SLC5A10: variants seen among roughly 807,000 people sequenced by gnomAD.
SLC5A10 encodes the protein sodium/mannose cotransporter SLC5A10.
A neutral mutation model predicts 68.9 loss-of-function variants in SLC5A10; 55 were observed. The observed-to-expected ratio is 0.80, with a 90% CI of 0.64 to 1.00. The LOEUF is 1.00. SLC5A10 is among the 50% of genes least tolerant of loss of function. The probability of loss-of-function intolerance (pLI) is 0.00; values close to 1 mark genes in which losing one functional copy is unlikely to be tolerated. For synonymous variants in SLC5A10, 344 were observed against 344.8 expected, an observed-to-expected ratio of 1.00 and a Z score of 0.02; for missense variants, 732 against 819.3, an observed-to-expected ratio of 0.89 and a Z score of 1.30.
chr17:18,967,620 A>C (rs1408494926), intron 5 of SLC5A10, among the ~76,000 whole-genome samples: 1 of 152,218 alleles, frequency 6.6e-6, no homozygotes, highest in African/African-American at 2.4e-5. Flanking sequence ...AGTCTGGAGC[A>C]GTGACTGTAG....
intron 9 of SLC5A10, among the ~76,000 whole-genome samples, chr17:18,982,620 C>A (rs1415500605): frequency 6.6e-6 from 1 of 152,162 alleles, no homozygotes; most frequent in Non-Finnish European, 1.5e-5. Context: ...CATCTGCTCT[C>A]AGCGGGTGGC....
Position 19,003,371 on chromosome 17 carries a change from A to C in SLC5A10, c.983-10039A>C. 1.2e-6 allele frequency: 1 copy of C among 833,308 alleles called. No individual in the cohort carries two copies. The highest frequency in any genetic ancestry group is 1.7e-6 in the Non-Finnish European group (1 of 600,204). The allele number at this position is 833,308 out of a possible 1,614,324, so 51.6% of individuals were successfully genotyped here. ...CGGATCCCCACGAAGGTGGGGAGGAAACCTCCACCCAAGAGGCAGCCAGGG... is the reference window on the plus strand; with the variant it reads ...CGGATCCCCACGAAGGTGGGGAGGACACCTCCACCCAAGAGGCAGCCAGGG... On this transcript the variant is annotated intron_variant, in intron 9 of 14. Transcript: ENST00000395645. This position sits in a 1 kb window ranked among gnomAD's most constrained non-coding sequence, Gnocchi z 4.5.
chr17:18,964,492 C>T (rs2042672700), intron 5 of SLC5A10, among the ~76,000 whole-genome samples: 1 of 152,188 alleles, frequency 6.6e-6, no homozygotes, highest in African/African-American at 2.4e-5. Flanking sequence ...CTGGGTGAGC[C>T]CCCCACACCC....
intron 1 of SLC5A10, among the ~76,000 whole-genome samples, chr17:18,955,194 T>C (rs2042474003): frequency 6.6e-6 from 1 of 151,756 alleles, no homozygotes; most frequent in South Asian, 2.1e-4. Flanking sequence ...TTATTAAGGA[T>C]ACAGCTACAC....
At chr17:18,984,556 T>C (rs2043220348) in intron 9 of SLC5A10, among the ~76,000 whole-genome samples, 1 of 152,204 alleles carries the variant, frequency 6.6e-6, no homozygotes, top group South Asian at 2.1e-4. Flanking sequence ...CTGATGCTTC[T>C]TTGTTCATCA....
rs117993660 is a variant in SLC5A10 at position 18,986,917 on chromosome 17, C to T, written c.982+9928C>T. On this transcript the variant is annotated intron_variant, in intron 9 of 14. Transcript: ENST00000395645. ...GGCATGAGCTATCTGCCACTGGAAT[C>T]GATTCCCAGCACTAATTACGCGGCG... Among the ~76,000 whole-genome samples the T allele has an allele frequency of 5.7e-3, 872 of 152,332 alleles. 3 individuals are homozygous for T. The highest frequency in any genetic ancestry group is 9.3e-3 in the Non-Finnish European group (635 of 68,036).
At chr17:18,950,803 C>A, upstream of SLC5A10, 1 of 525,236 alleles carries the variant, frequency 1.9e-6, no homozygotes, top group Non-Finnish European at 2.4e-6. Context: ...GCAATCTCTA[C>A]CTCCTGAGTT....
intron 9 of SLC5A10, among the ~76,000 whole-genome samples, chr17:19,006,925 A>G (rs1453716945): frequency 6.6e-6 from 1 of 152,178 alleles, no homozygotes; most frequent in African/African-American, 2.4e-5. Flanking sequence ...TTGCTTAACC[A>G]TTTCAGTGAT....
chr17:19,017,454 G>C lies in SLC5A10; in HGVS notation c.1242-1969G>C. 5 of 1,481,738 alleles carry C rather than the reference G, an allele frequency of 3.4e-6. No individual in the cohort carries two copies. Among genetic ancestry groups the C allele is most frequent in the Non-Finnish European group, 3.7e-6 (4 of 1,083,884 alleles). 91.8% of individuals were successfully genotyped at this position (1,481,738 alleles called of 1,614,324 possible). On this transcript the variant is annotated intron_variant, in intron 11 of 14. Transcript: ENST00000395645. This position sits in a 1 kb window ranked among gnomAD's most constrained non-coding sequence, Gnocchi z 5.6. ...GGAGAGGCGAGGCTTACAGAGAGAA[G>C]ACCAACAGCCCAGAGGCCTGGAGAG...
chr17:18,969,261 G>A (rs1225538815), intron 6 of SLC5A10, 81 bp from the exon 7 acceptor site: 2 of 1,579,918 alleles, frequency 1.3e-6, no homozygotes, highest in Non-Finnish European at 1.7e-6. Flanking sequence ...AGTGGCCCCA[G>A]CAGGAGCCCC....
At chr17:18,978,409 C>T (rs759325072) in intron 9 of SLC5A10, 101 of 1,591,186 alleles carry the variant, frequency 6.3e-5, no homozygotes, top group Middle Eastern at 1.7e-4. Flanking sequence ...TGCCAGGCTC[C>T]GGGTCTGGCT....
At chr17:18,982,805 C>T in intron 9 of SLC5A10, among the ~76,000 whole-genome samples, 1 of 152,246 alleles carries the variant, frequency 6.6e-6, no homozygotes, top group East Asian at 1.9e-4. Flanking sequence ...AGGGTCTAGG[C>T]ATTCCTGAGC....
chr17:18,979,288 AGGCTTGCGAAGGCAC>A, intron 9 of SLC5A10: 1 of 519,158 alleles, frequency 1.9e-6, no homozygotes, highest in Non-Finnish European at 3.5e-6. Context: ...TGACCCCCAT[AGGCTTGCGAAGGCAC>A]GGCCTGGCCA....
At chr17:18,973,906 T>C (rs866968643) in intron 8 of SLC5A10, among the ~76,000 whole-genome samples, 3,262 of 143,118 alleles carry the variant, frequency 0.023, 149 homozygotes, top group African/African-American at 0.082. Context: ...TTTTTTTTTT[T>C]CCCAGAGACA....
At chr17:19,002,050 C>T (rs1005523206) in intron 9 of SLC5A10, among the ~76,000 whole-genome samples, 2 of 152,218 alleles carry the variant, frequency 1.3e-5, no homozygotes, top group African/African-American at 4.8e-5. Context: ...AGCAGCACTT[C>T]CTCCACACCA....
At chr17:18,979,812 G>A (rs1033068828) in intron 9 of SLC5A10, 7 of 955,182 alleles carry the variant, frequency 7.3e-6, no homozygotes, top group Non-Finnish European at 1.1e-5. Context: ...AAGGCCTGGA[G>A]AAAGGGGCTG....
At chr17:18,992,022 ACTC>A (rs2043438148) in intron 9 of SLC5A10, among the ~76,000 whole-genome samples, 2 of 151,638 alleles carry the variant, frequency 1.3e-5, no homozygotes, top group Admixed American at 1.3e-4. Flanking sequence ...GGATGTGGGC[ACTC>A]CTCCAGTGAG....
intron 9 of SLC5A10, among the ~76,000 whole-genome samples, chr17:19,011,943 G>A (rs1196501179): frequency 6.6e-6 from 1 of 152,002 alleles, no homozygotes; most frequent in Non-Finnish European, 1.5e-5. Flanking sequence ...AGTCTACAGA[G>A]GGAGCACCAA....
chr17:18,997,540 C>G (rs1179936017), intron 9 of SLC5A10, among the ~76,000 whole-genome samples: 2 of 152,202 alleles, frequency 1.3e-5, no homozygotes. Context: ...CCTTTAAAAC[C>G]TCAGCTTCTC....
Sources: gnomAD v4.1 joint callset for allele counts (sites outside exome capture counted in the v4.1 genomes callset) on GRCh38, gnomAD v4.1.1 for gene constraint, Gnocchi (gnomAD v3.1) non-coding constraint, MANE v1.5 for transcripts, NCBI Gene and HGNC (gene_info 2026-07-23, HGNC 2026-07-21) for gene names.